Variants in PCLO observed in about 807,000 individuals in gnomAD.
The protein encoded by PCLO is protein piccolo.
PCLO carries 82 observed loss-of-function variants against 427.5 expected under a neutral mutation model. That is an observed-to-expected ratio of 0.19 (90% CI 0.16 to 0.23). The LOEUF is 0.23. PCLO is among the 10% of genes least tolerant of loss of function. The probability of loss-of-function intolerance (pLI) is 1.00; values close to 1 mark genes in which losing one functional copy is unlikely to be tolerated. For synonymous variants in PCLO, 2,357 were observed against 2,155.4 expected (o/e 1.09, Z -2.59); for missense variants, 6,239 against 6,115.9 (o/e 1.02, Z -0.67).
At position 83,141,218 on chromosome 7, in the gene PCLO, C is replaced by T. The variant is rs112882394; in HGVS notation, c.1894-5562G>A. Among the ~76,000 whole-genome samples the T allele has an allele frequency of 9.2e-3, 1,401 of 152,272 alleles. 19 individuals are homozygous for T. Among genetic ancestry groups the T allele is most frequent in the Non-Finnish European group, 0.01 (691 of 68,010 alleles). On this transcript the variant is annotated intron_variant, in intron 2 of 24. Coordinates refer to ENST00000333891, the MANE Select transcript of PCLO (RefSeq NM_033026.6). Reference sequence around the variant, plus strand: ...TAAACTCTACCAGGAGAGCCTACAACGATATCAATGTGTCCTGAAACAACT... The same window carrying T: ...TAAACTCTACCAGGAGAGCCTACAATGATATCAATGTGTCCTGAAACAACT...
intron 22 of PCLO, among the ~76,000 whole-genome samples, chr7:82,799,944 G>C (rs1304905009): frequency 6.6e-6 from 1 of 152,044 alleles, no homozygotes; most frequent in African/African-American, 2.4e-5. Context: ...CAAATATTCA[G>C]AGCCATTTCT....
chr7:82,952,719 A>T lies in PCLO; in HGVS notation c.8234T>A (p.Ile2745Asn). ...KVEVKTTDKC[I>N]DLSASTMDVK... ...ATCCATTGTAGAAGCAGAAAGATCA[A>T]TACATTTATCAGTTGTTTTAACTTC... is the stretch of plus-strand genomic sequence containing the variant. The change falls in exon 5 of 25, where the codon ATT becomes AAT. Residue 2745 changes from isoleucine to asparagine, a missense_variant. Physicochemically the swap from Ile to Asn is moderately radical, Grantham distance 149 (BLOSUM62 -3). This residue lies in a region of PCLO where 4,677 missense variants were observed against 4,468.4 expected (regional missense o/e 1.05). Coordinates refer to ENST00000333891, the MANE Select transcript of PCLO (RefSeq NM_033026.6). The T allele has an allele frequency of 6.2e-7, 1 of 1,613,826 alleles. No homozygotes were observed. The highest frequency in any genetic ancestry group is 2.2e-5 in the East Asian group (1 of 44,860).
At chr7:82,881,090 T>C (rs1185576928) in intron 9 of PCLO, among the ~76,000 whole-genome samples, 1 of 152,130 alleles carries the variant, frequency 6.6e-6, no homozygotes, top group Non-Finnish European at 1.5e-5. Context: ...AAAAGTGTAG[T>C]TGCAGGCTGA....
chr7:82,940,755 C>CTTTTTTTTTTTTTTTTTTTTTT (rs71531190), intron 6 of PCLO, among the ~76,000 whole-genome samples: 1 of 109,138 alleles, frequency 9.2e-6, no homozygotes, highest in African/African-American at 3.5e-5. Context: ...TTTTTTCTTT[C>CTTTTTTTTTTTTTTTTTTTTTT]TTTTTTTTTT....
intron 21 of PCLO, 46 bp from the exon 22 acceptor site, chr7:82,801,637 G>A (rs1791355460): frequency 8.9e-7 from 1 of 1,129,656 alleles, no homozygotes; most frequent in Admixed American, 2.0e-5. Context: ...ATGATCTCAT[G>A]AATGCAAAAG....
intron 21 of PCLO, among the ~76,000 whole-genome samples, chr7:82,802,634 G>T (rs2129468720): frequency 6.6e-6 from 1 of 152,250 alleles, no homozygotes; most frequent in African/African-American, 2.4e-5. Context: ...ACAGAAAGAT[G>T]CTTGAACAAA....
chr7:82,821,477 A>G (rs1206346352), intron 20 of PCLO: 1 of 985,358 alleles, frequency 1.0e-6, no homozygotes, highest in Non-Finnish European at 1.2e-6. Flanking sequence ...TTCTTTGAAA[A>G]TGATGACTAG....
chr7:82,932,830 G>T (rs188242001), intron 6 of PCLO, among the ~76,000 whole-genome samples: 1 of 152,098 alleles, frequency 6.6e-6, no homozygotes, highest in East Asian at 1.9e-4. Context: ...GGTTCTTTAT[G>T]ATTTCTTTTA....
chr7:82,911,451 A>C (rs959742814), intron 7 of PCLO, among the ~76,000 whole-genome samples: 2 of 149,600 alleles, frequency 1.3e-5, no homozygotes, highest in African/African-American at 5.1e-5. Flanking sequence ...TTTTTTTTTT[A>C]AACTTGACAA....
At chr7:82,866,999 G>C (rs151165575) in intron 10 of PCLO, among the ~76,000 whole-genome samples, 45 of 152,236 alleles carry the variant, frequency 3.0e-4, no homozygotes, top group African/African-American at 1.1e-3. Context: ...TGCAAGCAGA[G>C]TCAACCAATG....
intron 16 of PCLO, among the ~76,000 whole-genome samples, chr7:82,834,817 T>C (rs1051923895): frequency 7.2e-5 from 11 of 152,192 alleles, no homozygotes; most frequent in Admixed American, 2.0e-4. Flanking sequence ...TTATTGCTAA[T>C]ATACTACAGC....
intron 3 of PCLO, among the ~76,000 whole-genome samples, chr7:83,101,347 A>G (rs2116488268): frequency 6.6e-6 from 1 of 152,208 alleles, no homozygotes; most frequent in East Asian, 1.9e-4. Flanking sequence ...TTACCTAGAA[A>G]TGGATATAAG....
At chr7:83,144,165 T>A (rs1035153180) in intron 2 of PCLO, among the ~76,000 whole-genome samples, 1 of 152,226 alleles carries the variant, frequency 6.6e-6, no homozygotes, top group African/African-American at 2.4e-5. Context: ...CTCATGCCTG[T>A]AATCTGCACA....
chr7:82,946,390 A>G (rs1023049814), intron 6 of PCLO, among the ~76,000 whole-genome samples: 4 of 152,192 alleles, frequency 2.6e-5, no homozygotes, highest in Admixed American at 1.3e-4. Context: ...CTTATATTCT[A>G]CTGGAGAAGA....
At chr7:83,099,834 T>C (rs1179392764) in intron 3 of PCLO, among the ~76,000 whole-genome samples, 1 of 118,180 alleles carries the variant, frequency 8.5e-6, no homozygotes, top group African/African-American at 3.2e-5. Context: ...AACCATACTT[T>C]CTTCTGCTGC....
At chr7:82,957,986 T>A (rs1795567226) in intron 4 of PCLO, among the ~76,000 whole-genome samples, 1 of 152,168 alleles carries the variant, frequency 6.6e-6, no homozygotes. Context: ...ACTTGTTGCA[T>A]AAAGACTTTT....
intron 3 of PCLO, among the ~76,000 whole-genome samples, chr7:83,084,527 G>T (rs1224871869): frequency 2.6e-5 from 4 of 152,066 alleles, no homozygotes; most frequent in Non-Finnish European, 5.9e-5. Context: ...ATAATTAAAG[G>T]CTAGATTCTA....
At chr7:82,887,101 C>CT in intron 9 of PCLO, among the ~76,000 whole-genome samples, 1 of 152,220 alleles carries the variant, frequency 6.6e-6, no homozygotes, top group Non-Finnish European at 1.5e-5. Flanking sequence ...TATCCCGTAG[C>CT]TTTTTTTGCG....
chr7:83,031,259 T>C (rs1788658469), intron 3 of PCLO, among the ~76,000 whole-genome samples: 1 of 152,202 alleles, frequency 6.6e-6, no homozygotes, highest in South Asian at 2.1e-4. Context: ...ATATGCATGT[T>C]CCAAACATCC....
Sources: allele counts gnomAD v4.1 joint callset (sites outside exome capture counted in the v4.1 genomes callset), GRCh38; gene constraint gnomAD v4.1.1; regional missense constraint gnomAD v4.1.1; transcripts MANE v1.5; gene names NCBI Gene and HGNC (gene_info 2026-07-23, HGNC 2026-07-21).